CECR2: variants seen among roughly 807,000 people sequenced by gnomAD.
CECR2 encodes the protein chromatin remodeling regulator CECR2.
Under a neutral mutation model 154.5 loss-of-function variants are expected in CECR2, and 30 were observed. The ratio of observed to expected loss-of-function variants is 0.19; its 90% confidence interval spans 0.15 to 0.26. The LOEUF is 0.26. Among genes scored for constraint, CECR2 ranks in the 10% least tolerant of loss-of-function variants. The probability of loss-of-function intolerance (pLI) is 1.00; values close to 1 mark genes in which losing one functional copy is unlikely to be tolerated. For missense variants in CECR2, 1,743 were observed against 1,829.3 expected (o/e 0.95, Z 0.86); for synonymous variants, 725 against 683.7 (o/e 1.06, Z -0.94).
At chr22:17,398,946 G>T (rs1034615486) in intron 1 of CECR2, among the ~76,000 whole-genome samples, 7 of 152,256 alleles carry the variant, frequency 4.6e-5, no homozygotes, top group Middle Eastern at 3.4e-3. Flanking sequence ...AGGTGATATT[G>T]GGCTCCCTCT....
At chr22:17,466,382 G>A (rs190651965) in intron 1 of CECR2, among the ~76,000 whole-genome samples, 1 of 152,254 alleles carries the variant, frequency 6.6e-6, no homozygotes, top group East Asian at 1.9e-4. Context: ...GAGCATCTTA[G>A]AAGAAACTTT....
chr22:17,425,540 G>A (rs2054317179), intron 1 of CECR2, among the ~76,000 whole-genome samples: 1 of 152,154 alleles, frequency 6.6e-6, no homozygotes, highest in African/African-American at 2.4e-5. Flanking sequence ...AGGATACCTT[G>A]GGCACACTGA....
At chr22:17,528,454 C>CA (rs993479245) in intron 9 of CECR2, among the ~76,000 whole-genome samples, 5 of 150,942 alleles carry the variant, frequency 3.3e-5, no homozygotes, top group South Asian at 4.2e-4. Flanking sequence ...TTAATGGGTA[C>CA]AAAAAAAATA....
intron 1 of CECR2, among the ~76,000 whole-genome samples, chr22:17,447,777 C>T (rs1464144475): frequency 2.0e-5 from 3 of 151,958 alleles, no homozygotes; most frequent in Non-Finnish European, 1.5e-5. Flanking sequence ...TGTTCAGAGC[C>T]CTGTTGTCCA....
chr22:17,477,960 C>A (rs533862750), intron 2 of CECR2, among the ~76,000 whole-genome samples: 1 of 152,120 alleles, frequency 6.6e-6, no homozygotes, highest in Admixed American at 6.6e-5. Context: ...AGAATTTCTT[C>A]TTATATTTGC....
At chr22:17,481,538 T>C (rs1377148252) in intron 2 of CECR2, among the ~76,000 whole-genome samples, 1 of 152,046 alleles carries the variant, frequency 6.6e-6, no homozygotes, top group Non-Finnish European at 1.5e-5. Flanking sequence ...CTCAACCAAG[T>C]GTCTGTATCC....
rs695634 is a variant in CECR2 at position 17,532,700 on chromosome 22, C to CTTTTTTTTTTTTTT, written c.1109-4381_1109-4368dup. Among the ~76,000 whole-genome samples, 44 of 35,792 alleles carry CTTTTTTTTTTTTTT rather than the reference C, an allele frequency of 1.2e-3. 13 individuals are homozygous for CTTTTTTTTTTTTTT. The highest frequency in any genetic ancestry group is 1.4e-3 in the Non-Finnish European group (29 of 21,414). The allele number at this position is 35,792 out of a possible 152,430, so 23.5% of individuals were successfully genotyped here. On this transcript the variant is annotated intron_variant, in intron 9 of 18. Transcript: ENST00000262608. ...CCAAGTAGGTATATTCATTATTATT[C>CTTTTTTTTTTTTTT]TTTTTTTTTTTTTTTTTTTTTTTTT...
chr22:17,518,345 C>T (rs934282607), intron 8 of CECR2, among the ~76,000 whole-genome samples: 6 of 152,130 alleles, frequency 3.9e-5, no homozygotes, highest in African/African-American at 1.2e-4. Flanking sequence ...CAGATGTTAG[C>T]GTTTGGGAGT....
rs367590870 is a variant in CECR2, at chr22:17,499,510, C to T, written c.506C>T (p.Pro169Leu). ...GGAACACGAATGTACAAAGAGGACC[C>T]GGTGCAAGGAAAATCCAATGGAGAA... ...FYGTRMYKED[P>L]VQGKSNGELS... The change falls in exon 4 of 19, where the codon CCG becomes CTG. Residue 169 changes from proline (P) to leucine (L), a missense_variant. Around this residue, in one of 4 missense-constraint regions of CECR2, gnomAD observed 98 missense variants for 169.3 expected, o/e 0.58. Transcript: ENST00000262608. 2.3e-5 allele frequency: 37 copies of T among 1,613,196 alleles called. 1 individual carries two copies. The highest frequency in any genetic ancestry group is 1.6e-4 in the Middle Eastern group (1 of 6,062).
intron 17 of CECR2, among the ~76,000 whole-genome samples, chr22:17,550,060 T>A (rs1481478437): frequency 6.6e-6 from 1 of 152,116 alleles, no homozygotes; most frequent in Non-Finnish European, 1.5e-5. Flanking sequence ...CCCAACTTTA[T>A]CTTTGAAATT....
chr22:17,423,571 T>C (rs1388915736), intron 1 of CECR2, among the ~76,000 whole-genome samples: 2 of 151,294 alleles, frequency 1.3e-5, no homozygotes, highest in African/African-American at 2.4e-5. Context: ...CTTTCCAGAG[T>C]GGTCTCCTGC....
intron 1 of CECR2, among the ~76,000 whole-genome samples, chr22:17,471,645 C>T (rs2146772873): frequency 6.6e-6 from 1 of 152,212 alleles, no homozygotes; most frequent in East Asian, 1.9e-4. Flanking sequence ...AGGCGATTCT[C>T]CTGCCTCAGC....
chr22:17,538,851 G>A, intron 12 of CECR2, 120 bp downstream of exon 12: 1 of 1,312,974 alleles, frequency 7.6e-7, no homozygotes, highest in East Asian at 2.3e-5. Context: ...ACTGTCAAAA[G>A]TTCATGTGAT....
upstream of CECR2, among the ~76,000 whole-genome samples, chr22:17,368,973 A>G (rs2063021173): frequency 6.6e-6 from 1 of 152,084 alleles, no homozygotes. Context: ...GCGTTAAGAA[A>G]CAGGTGGAAA....
rs191800029 is a variant in CECR2, at chr22:17,542,371, C to T, written c.2228C>T (p.Ala743Val). 1,053 of 1,613,788 alleles carry T rather than the reference C, an allele frequency of 6.5e-4. 11 individuals are homozygous for T. The African/African-American group carries it at 0.012, about 19-fold the overall frequency. Residue 743 changes from alanine to valine, a missense_variant, in exon 16 of 19, where the codon GCC (alanine) becomes GTC (valine). Physicochemically the swap from Ala to Val is moderately conservative, Grantham distance 64. Around this residue, in one of 4 missense-constraint regions of CECR2, gnomAD observed 1,250 missense variants for 1,192.1 expected, o/e 1.05. Coordinates refer to ENST00000262608, the MANE Select transcript of CECR2 (RefSeq NM_001290047.2). ...CCTCCCCGGCATGGGGGGGCTCCAGCCCGGCCACCAGACTTTCCTGAAAGC... is the reference window on the plus strand; with the variant it reads ...CCTCCCCGGCATGGGGGGGCTCCAGTCCGGCCACCAGACTTTCCTGAAAGC... ...FIPPRHGGAPARPPDFPESSE... is the reference protein window; with the variant it reads ...FIPPRHGGAPVRPPDFPESSE...
chr22:17,519,794 CTT>C (rs695788), intron 8 of CECR2, among the ~76,000 whole-genome samples: 33 of 137,950 alleles, frequency 2.4e-4, no homozygotes, highest in African/African-American at 2.7e-4. Context: ...ATTATCAAGT[CTT>C]TTTTTTTTTT....
Position 17,549,325 on chromosome 22 carries a change from G to A in CECR2, c.4038G>A (p.Gly1346=), listed in dbSNP as rs761773235. 1.2e-6 allele frequency: 2 copies of A among 1,613,854 alleles called. No individual in the cohort carries two copies. Among genetic ancestry groups the A allele is most frequent in the African/African-American group, 2.7e-5 (2 of 74,920 alleles). ...CCCACAGTGTGATGCTGCAGACGGG[G>A]CCTCCCTATACCCCTCAGCGGCCGG... The part of the protein sequence containing the change: ...FPPHSVMLQT[G]PPYTPQRPAS... Residue 1346 remains glycine, a synonymous_variant, in exon 17 of 19, where the codon GGG becomes GGA. Transcript: ENST00000262608.
At chr22:17,525,082 G>A (rs772124365) in intron 9 of CECR2, among the ~76,000 whole-genome samples, 1 of 149,148 alleles carries the variant, frequency 6.7e-6, no homozygotes. Context: ...TTGGGTTTTC[G>A]AGACCAGCCT....
chr22:17,419,297 T>G (rs926603813), intron 1 of CECR2: 1 of 159,070 alleles, frequency 6.3e-6, no homozygotes, highest in Non-Finnish European at 1.4e-5. Flanking sequence ...GTGAGAGAAC[T>G]CCACATCGGC....
Sources: gnomAD v4.1 joint callset for allele counts (sites outside exome capture counted in the v4.1 genomes callset) on GRCh38, gnomAD v4.1.1 for gene constraint, gnomAD v4.1.1 regional missense constraint, MANE v1.5 for transcripts, NCBI Gene and HGNC (gene_info 2026-07-23, HGNC 2026-07-21) for gene names.